CNTNAP2: variants seen among roughly 807,000 people sequenced by gnomAD.
CNTNAP2 encodes contactin-associated protein-like 2.
In CNTNAP2, 98 loss-of-function variants were observed where a neutral mutation model predicts 155.2. The ratio of observed to expected loss-of-function variants is 0.63; its 90% confidence interval spans 0.54 to 0.75. The LOEUF is 0.75. Among genes scored for constraint, CNTNAP2 ranks in the 30% least tolerant of loss-of-function variants. The pLI, the probability that CNTNAP2 is intolerant of heterozygous loss-of-function variation, is 0.00. For synonymous variants in CNTNAP2, 651 were observed against 631.2 expected, an observed-to-expected ratio of 1.03 and a Z score of -0.47; for missense variants, 1,727 against 1,688.1, an observed-to-expected ratio of 1.02 and a Z score of -0.40.
intron 13 of CNTNAP2, among the ~76,000 whole-genome samples, chr7:147,740,876 A>G (rs1037657971): frequency 6.6e-5 from 10 of 152,322 alleles, no homozygotes; most frequent in African/African-American, 1.9e-4. Flanking sequence ...GGGAGGGCCC[A>G]GGCAGAAGTC....
intron 10 of CNTNAP2, among the ~76,000 whole-genome samples, chr7:147,446,644 G>C (rs1348700824): frequency 1.3e-5 from 2 of 152,196 alleles, no homozygotes; most frequent in Non-Finnish European, 2.9e-5. Flanking sequence ...ACCACCTCAA[G>C]AGACTGTTTA....
intron 1 of CNTNAP2, among the ~76,000 whole-genome samples, chr7:146,494,258 C>T (rs1010397678): frequency 1.3e-5 from 2 of 151,774 alleles, no homozygotes; most frequent in Non-Finnish European, 2.9e-5. Flanking sequence ...GGCATGAATC[C>T]GGGAGGCGGA....
In CNTNAP2 at chr7:147,314,930, G is replaced by A. The variant is rs543134126; in HGVS notation, c.1498+14640G>A. Among the ~76,000 whole-genome samples, 142 of 151,024 alleles carry A rather than the reference G, an allele frequency of 9.4e-4. 5 individuals carry two copies. The Middle Eastern group carries it at 0.01, about 11-fold the overall frequency. On this transcript the variant is annotated intron_variant, in intron 9 of 23. Transcript: ENST00000361727. Reference sequence around the variant, plus strand: ...AGCTATCAGGCTGAATGAAGCAGACGGGTAATAACCACTATGTAAAAGCTT... The same window carrying A: ...AGCTATCAGGCTGAATGAAGCAGACAGGTAATAACCACTATGTAAAAGCTT...
intron 18 of CNTNAP2, among the ~76,000 whole-genome samples, chr7:148,181,741 C>CTTTTTTTTTTTTTTTTT (rs71527884): frequency 4.1e-5 from 2 of 48,648 alleles, no homozygotes; most frequent in African/African-American, 9.1e-5. Flanking sequence ...AGTGTGTGCC[C>CTTTTTTTTTTTTTTTTT]TTTTTTTTTT....
chr7:146,366,471 C>T (rs1164223500), intron 1 of CNTNAP2, among the ~76,000 whole-genome samples: 8 of 152,022 alleles, frequency 5.3e-5, no homozygotes, highest in Non-Finnish European at 7.4e-5. Flanking sequence ...CCGTGTGTCA[C>T]ATTACTCTTC....
chr7:148,152,188 T>TAATTAACAC, intron 17 of CNTNAP2, among the ~76,000 whole-genome samples: 1 of 151,980 alleles, frequency 6.6e-6, no homozygotes. Context: ...ATAAAGCGTT[T>TAATTAACAC]AATTAACACA....
intron 9 of CNTNAP2, among the ~76,000 whole-genome samples, chr7:147,375,583 A>G (rs895332479): frequency 2.6e-5 from 4 of 151,988 alleles, no homozygotes; most frequent in East Asian, 1.9e-4. Context: ...TTTATCTTCT[A>G]TACCTTACAT....
At chr7:147,189,916 T>G (rs1802647263) in intron 8 of CNTNAP2, among the ~76,000 whole-genome samples, 1 of 152,048 alleles carries the variant, frequency 6.6e-6, no homozygotes, top group South Asian at 2.1e-4. Flanking sequence ...GGCTAATTTT[T>G]TGTATTTTTA....
In CNTNAP2 at chr7:146,656,385, G is replaced by A. The variant is rs572437122; in HGVS notation, c.98-117886G>A. Among the ~76,000 whole-genome samples the A allele has an allele frequency of 4.6e-5, 7 of 152,248 alleles. No individual in the cohort carries two copies. The South Asian group carries it at 1.2e-3, about 27-fold the overall frequency. ...AGAAGTAACAAAAAAAAGAAATCAG[G>A]TGTATTAAAAACAAAAATTTGAAAC... is the stretch of plus-strand genomic sequence containing the variant. On this transcript the variant is annotated intron_variant, in intron 1 of 23. Transcript: ENST00000361727.
intron 21 of CNTNAP2, among the ~76,000 whole-genome samples, chr7:148,322,425 T>C (rs1797809572): frequency 6.6e-6 from 1 of 152,218 alleles, no homozygotes; most frequent in Non-Finnish European, 1.5e-5. Flanking sequence ...TACCAAATTT[T>C]TGTTATAAAA....
At chr7:146,474,369 C>A (rs1796844053) in intron 1 of CNTNAP2, among the ~76,000 whole-genome samples, 1 of 149,896 alleles carries the variant, frequency 6.7e-6, no homozygotes, top group African/African-American at 2.4e-5. Flanking sequence ...AGAACATTTG[C>A]CAGAATTTTC....
chr7:146,687,299 C>T (rs772835404), intron 1 of CNTNAP2, among the ~76,000 whole-genome samples: 1 of 152,116 alleles, frequency 6.6e-6, no homozygotes, highest in African/African-American at 2.4e-5. Context: ...AATATGTGAT[C>T]TTGAGCAACA....
chr7:147,128,646 A>G (rs369966545), intron 6 of CNTNAP2, 47 bp from the exon 7 acceptor site: 12 of 1,609,140 alleles, frequency 7.5e-6, no homozygotes, highest in South Asian at 3.3e-5. Context: ...TGTCTAGTTC[A>G]TCATAATACA....
At chr7:147,929,190 G>C (rs1800454439) in intron 14 of CNTNAP2, among the ~76,000 whole-genome samples, 1 of 151,102 alleles carries the variant, frequency 6.6e-6, no homozygotes, top group Non-Finnish European at 1.5e-5. Flanking sequence ...TGTCCATAGA[G>C]GCAAGATAGA....
intron 15 of CNTNAP2, among the ~76,000 whole-genome samples, chr7:147,981,367 G>A (rs1169799563): frequency 6.6e-6 from 1 of 152,126 alleles, no homozygotes; most frequent in Non-Finnish European, 1.5e-5. Flanking sequence ...AACATTATAG[G>A]GATTACATTT....
At chr7:147,813,315 G>A (rs1798211283) in intron 13 of CNTNAP2, among the ~76,000 whole-genome samples, 1 of 152,062 alleles carries the variant, frequency 6.6e-6, no homozygotes, top group African/African-American at 2.4e-5. Context: ...GCATTCCCTT[G>A]GCAAGTCAAT....
intron 3 of CNTNAP2, among the ~76,000 whole-genome samples, chr7:146,846,158 A>G (rs1034234416): frequency 6.6e-6 from 1 of 152,124 alleles, no homozygotes; most frequent in African/African-American, 2.4e-5. Context: ...AATAACTTCT[A>G]CTTCACTTAG....
intron 13 of CNTNAP2, among the ~76,000 whole-genome samples, chr7:147,822,814 C>A (rs1240743246): frequency 6.6e-6 from 1 of 152,068 alleles, no homozygotes; most frequent in African/African-American, 2.4e-5. Flanking sequence ...ATATGGCTGC[C>A]GTTTAAGGTG....
At chr7:146,643,517 A>G (rs537644219) in intron 1 of CNTNAP2, among the ~76,000 whole-genome samples, 2,638 of 151,980 alleles carry the variant, frequency 0.017, 92 homozygotes, top group African/African-American at 0.059. Flanking sequence ...CCATTGATCT[A>G]TATCTCTGTT....
Sources: allele counts gnomAD v4.1 joint callset (sites outside exome capture counted in the v4.1 genomes callset), GRCh38; gene constraint gnomAD v4.1.1; transcripts MANE v1.5; gene names NCBI Gene and HGNC (gene_info 2026-07-23, HGNC 2026-07-21).